The following CHRM5 variants were observed in gnomAD, a reference collection of about 807,000 sequenced individuals.
CHRM5 encodes muscarinic acetylcholine receptor M5.
Under a neutral mutation model 39.0 loss-of-function variants are expected in CHRM5, and 18 were observed. The observed-to-expected ratio is 0.46, with a 90% CI of 0.32 to 0.68. The LOEUF (loss-of-function observed/expected upper bound fraction) is 0.68, where lower values mean the gene tolerates loss of function less well. CHRM5 is among the 30% of genes least tolerant of loss of function. The pLI, the probability that CHRM5 is intolerant of heterozygous loss-of-function variation, is 0.04. For synonymous variants in CHRM5, 241 were observed against 246.3 expected (o/e 0.98, Z 0.20); for missense variants, 515 against 651.1 (o/e 0.79, Z 2.28).
At chr15:34,023,992 T>A (rs1405235962) in intron 1 of CHRM5, among the ~76,000 whole-genome samples, 1 of 152,234 alleles carries the variant, frequency 6.6e-6, no homozygotes, top group Admixed American at 6.5e-5. Flanking sequence ...CTCCCTTCAC[T>A]GGTTTTAATC....
In CHRM5 at chr15:34,012,853, G is replaced by T. The variant is rs953933720; in HGVS notation, c.-407-33687G>T. On this transcript the variant is annotated intron_variant, in intron 1 of 2. Coordinates refer to ENST00000383263, the MANE Select transcript of CHRM5 (RefSeq NM_012125.4). ...ATCACATTGCACCAGTCTGTCCTACGGCTAGGTTCTGGGGTTATGTTTACT... is the reference window on the plus strand; with the variant it reads ...ATCACATTGCACCAGTCTGTCCTACTGCTAGGTTCTGGGGTTATGTTTACT... Among the ~76,000 whole-genome samples the T allele has an allele frequency of 3.3e-5, 5 of 152,092 alleles. No homozygotes were observed. In the East Asian group the frequency reaches 5.8e-4, roughly 18 times the overall value.
At position 34,064,524 on chromosome 15, in the gene CHRM5, C is replaced by A; in HGVS notation, c.*208C>A. 1.6e-6 allele frequency: 1 copy of A among 629,244 alleles called. No homozygotes were observed. Among genetic ancestry groups the A allele is most frequent in the Non-Finnish European group, 2.8e-6 (1 of 361,542 alleles). The allele number at this position is 629,244 out of a possible 1,614,324, so 39.0% of individuals were successfully genotyped here. A position where few individuals can be genotyped will look rare whatever the true frequency, so the allele number is the denominator to read the frequency against. ...CATATTAAATGACTCTTGCCTATGACCAAGGCCATTTGATGCCAGGGGAGT... is the reference window on the plus strand; with the variant it reads ...CATATTAAATGACTCTTGCCTATGAACAAGGCCATTTGATGCCAGGGGAGT... On this transcript the variant is annotated 3_prime_UTR_variant, in exon 3 of 3. Coordinates refer to ENST00000383263, the MANE Select transcript of CHRM5 (RefSeq NM_012125.4).
chr15:33,994,551 C>T (rs1896857855), intron 1 of CHRM5, among the ~76,000 whole-genome samples: 1 of 152,172 alleles, frequency 6.6e-6, no homozygotes, highest in Non-Finnish European at 1.5e-5. Context: ...AAAACCGGTC[C>T]CTGGTGCCAA....
intron 1 of CHRM5, chr15:33,991,289 T>G (rs1471811016): frequency 6.6e-6 from 1 of 152,170 alleles, no homozygotes; most frequent in Non-Finnish European, 1.5e-5. Context: ...AGGAGGATTA[T>G]TTTGCAAAAC....
intron 1 of CHRM5, among the ~76,000 whole-genome samples, chr15:33,974,530 T>C (rs1895787840): frequency 6.6e-6 from 1 of 152,174 alleles, no homozygotes; most frequent in South Asian, 2.1e-4. Context: ...AGCAGAGTGT[T>C]GAAGTAGGCC....
intron 1 of CHRM5, among the ~76,000 whole-genome samples, chr15:33,982,535 T>C (rs948433108): frequency 2.0e-5 from 3 of 152,246 alleles, no homozygotes; most frequent in Admixed American, 1.3e-4. Context: ...TTCAATTTGA[T>C]TGACTGCTAT....
chr15:34,040,170 CAAAA>C (rs922746200), intron 1 of CHRM5, among the ~76,000 whole-genome samples: 14 of 147,710 alleles, frequency 9.5e-5, no homozygotes, highest in African/African-American at 3.2e-4. Context: ...AAAACAAAAA[CAAAA>C]AAAAAACCTT....
At chr15:34,061,000 A>G (rs867706526) in intron 2 of CHRM5, among the ~76,000 whole-genome samples, 153 of 149,750 alleles carry the variant, frequency 1.0e-3, no homozygotes, top group African/African-American at 3.6e-3. Flanking sequence ...TGGGCAACAG[A>G]GCGAGACTCC....
At chr15:33,994,235 C>A (rs563015455) in intron 1 of CHRM5, among the ~76,000 whole-genome samples, 1 of 152,306 alleles carries the variant, frequency 6.6e-6, no homozygotes, top group African/African-American at 2.4e-5. Flanking sequence ...CAGCAGCATT[C>A]GATTCTCATA....
chr15:34,013,843 A>G (rs1054587767), intron 1 of CHRM5, among the ~76,000 whole-genome samples: 1 of 152,180 alleles, frequency 6.6e-6, no homozygotes, highest in African/African-American at 2.4e-5. Flanking sequence ...ACGAGGACCC[A>G]TGAGCGAGAA....
intron 1 of CHRM5, among the ~76,000 whole-genome samples, chr15:33,998,841 C>T (rs773241523): frequency 6.6e-6 from 1 of 152,226 alleles, no homozygotes; most frequent in Non-Finnish European, 1.5e-5. Context: ...ACTCTAGACA[C>T]TGTGGTGCCT....
At chr15:33,986,091 A>T (rs944230574) in intron 1 of CHRM5, among the ~76,000 whole-genome samples, 1 of 17,798 alleles carries the variant, frequency 5.6e-5, no homozygotes, top group African/African-American at 6.7e-5. Flanking sequence ...TTTCACTGTA[A>T]ATTTTTTTTT....
chr15:34,009,295 C>G (rs764381557), intron 1 of CHRM5, among the ~76,000 whole-genome samples: 5 of 152,106 alleles, frequency 3.3e-5, no homozygotes, highest in Non-Finnish European at 7.4e-5. Flanking sequence ...TGGTCCTAAA[C>G]AGCAATTCAA....
chr15:34,063,142 G>A lies in CHRM5; in HGVS notation c.425G>A (p.Arg142His), dbSNP rs1226004026. Residue 142 changes from arginine (R) to histidine (H), a missense_variant, in exon 3 of 3, where the codon CGT (arginine) becomes CAT (histidine). Coordinates refer to ENST00000383263, the MANE Select transcript of CHRM5 (RefSeq NM_012125.4). This position sits in a 1 kb window ranked among gnomAD's most constrained non-coding sequence, Gnocchi z 4.1. The stretch of plus-strand genomic sequence containing the variant: ...AGACCCTTGACATATCGGGCCAAGC[G>A]TACTCCGAAAAGGGCTGGCATCATG... ...ITRPLTYRAKRTPKRAGIMIG... is the reference protein window; with the variant it reads ...ITRPLTYRAKHTPKRAGIMIG... 8.7e-6 allele frequency: 14 copies of A among 1,614,098 alleles called. No homozygotes were observed. The highest frequency in any genetic ancestry group is 4.5e-5 in the East Asian group (2 of 44,876).
At chr15:34,036,081 C>T (rs1899109642) in intron 1 of CHRM5, among the ~76,000 whole-genome samples, 1 of 151,672 alleles carries the variant, frequency 6.6e-6, no homozygotes, top group South Asian at 2.1e-4. Flanking sequence ...CAAGCGCGAG[C>T]CACCACACCC....
chr15:33,982,226 G>C (rs1345104412), intron 1 of CHRM5, among the ~76,000 whole-genome samples: 1 of 151,902 alleles, frequency 6.6e-6, no homozygotes, highest in Non-Finnish European at 1.5e-5. Flanking sequence ...ATGTAGAGCT[G>C]CATCTGCAGC....
At chr15:34,015,708 A>G (rs1897870874) in intron 1 of CHRM5, among the ~76,000 whole-genome samples, 1 of 152,192 alleles carries the variant, frequency 6.6e-6, no homozygotes, top group Non-Finnish European at 1.5e-5. Flanking sequence ...TAACAGACAA[A>G]AAGGTAAACC....
At chr15:34,044,041 T>C (rs1177562281) in intron 1 of CHRM5, among the ~76,000 whole-genome samples, 2 of 151,302 alleles carry the variant, frequency 1.3e-5, no homozygotes, top group African/African-American at 4.9e-5. Context: ...TACCTTCTAA[T>C]GAATCATTCA....
chr15:33,970,362 T>C (rs1287588571), intron 1 of CHRM5, among the ~76,000 whole-genome samples: 1 of 151,976 alleles, frequency 6.6e-6, no homozygotes, highest in Non-Finnish European at 1.5e-5. Flanking sequence ...TTACCTGTCA[T>C]TTTCCAGTAC....
Sources: allele counts gnomAD v4.1 joint callset (sites outside exome capture counted in the v4.1 genomes callset), GRCh38; gene constraint gnomAD v4.1.1; non-coding constraint Gnocchi (gnomAD v3.1); transcripts MANE v1.5; gene names NCBI Gene and HGNC (gene_info 2026-07-23, HGNC 2026-07-21).